Variants in EFCAB12 observed in about 807,000 individuals in gnomAD.
The protein encoded by EFCAB12 is EF-hand calcium-binding domain-containing protein 12.
EFCAB12 carries 43 observed loss-of-function variants against 53.6 expected under a neutral mutation model. The observed-to-expected ratio is 0.80, with a 90% CI of 0.63 to 1.03. The LOEUF is 1.03. Among genes scored for constraint, EFCAB12 ranks in the 50% least tolerant of loss-of-function variants. The pLI, the probability that EFCAB12 is intolerant of heterozygous loss-of-function variation, is 0.00. For missense variants in EFCAB12, 646 were observed against 730.6 expected, an observed-to-expected ratio of 0.88 and a Z score of 1.34; for synonymous variants, 269 against 289.2, an observed-to-expected ratio of 0.93 and a Z score of 0.71.
In EFCAB12 at chr3:129,401,415, C is replaced by A. The variant is rs1577032446; in HGVS notation, c.*178G>T. The A allele has an allele frequency of 6.1e-6, 5 of 820,012 alleles. No homozygotes were observed. The highest frequency in any genetic ancestry group is 9.1e-6 in the Non-Finnish European group (5 of 551,536). 50.8% of individuals were successfully genotyped at this position (820,012 alleles called of 1,614,324 possible). On this transcript the variant is annotated 3_prime_UTR_variant, in exon 9 of 9. Coordinates refer to ENST00000505956, the MANE Select transcript of EFCAB12 (RefSeq NM_207307.3). ...ACTGCACGTCATTCCTTGGACACATCTACCCTCTGAGACACTGGACACTTT... is the reference window on the plus strand; with the variant it reads ...ACTGCACGTCATTCCTTGGACACATATACCCTCTGAGACACTGGACACTTT...
intron 2 of EFCAB12, among the ~76,000 whole-genome samples, chr3:129,420,905 G>A (rs928298753): frequency 5.3e-5 from 8 of 152,236 alleles, no homozygotes; most frequent in Non-Finnish European, 8.8e-5. Flanking sequence ...CCTTCACTCT[G>A]GGGGATGCCA....
intron 6 of EFCAB12, among the ~76,000 whole-genome samples, chr3:129,406,797 G>A (rs2071957414): frequency 6.6e-6 from 1 of 151,710 alleles, no homozygotes; most frequent in African/African-American, 2.4e-5. Context: ...GCCACTTCAC[G>A]CTGCTAGAAT....
intron 3 of EFCAB12, among the ~76,000 whole-genome samples, chr3:129,417,052 C>T (rs1258577113): frequency 2.0e-5 from 3 of 152,016 alleles, no homozygotes; most frequent in East Asian, 1.9e-4. Flanking sequence ...TAAGGCCAGG[C>T]GCAGTGGCTC....
chr3:129,414,720 G>A (rs2072090835), intron 4 of EFCAB12: 1 of 152,302 alleles, frequency 6.6e-6, no homozygotes, highest in African/African-American at 2.4e-5. Context: ...CCCCACAAAT[G>A]TATTGCTTGG....
intron 7 of EFCAB12, 96 bp from the exon 8 acceptor site, chr3:129,402,675 TC>T: frequency 1.7e-6 from 2 of 1,204,996 alleles, no homozygotes; most frequent in Non-Finnish European, 1.2e-6. Flanking sequence ...TGGACCCGTT[TC>T]TAAGTCTCAA....
chr3:129,403,052 AC>A, intron 7 of EFCAB12: 1 of 161,048 alleles, frequency 6.2e-6, no homozygotes. Context: ...ACTCTTTCCC[AC>A]CCAGCCTCCA....
intron 5 of EFCAB12, among the ~76,000 whole-genome samples, chr3:129,409,569 G>A (rs2072003763): frequency 6.6e-6 from 1 of 152,140 alleles, no homozygotes; most frequent in African/African-American, 2.4e-5. Flanking sequence ...AGCTGCTTTT[G>A]TTGGCTGCCA....
intron 4 of EFCAB12, 75 bp from the exon 5 acceptor site, chr3:129,411,429 T>G: frequency 6.9e-7 from 1 of 1,458,862 alleles, no homozygotes; most frequent in Middle Eastern, 2.2e-4. Flanking sequence ...CAAGCAGTTA[T>G]CCAGTGTCAC....
chr3:129,425,228 T>C (rs2072256455), intron 1 of EFCAB12, among the ~76,000 whole-genome samples: 1 of 152,186 alleles, frequency 6.6e-6, no homozygotes, highest in Non-Finnish European at 1.5e-5. Context: ...CAATCCATGT[T>C]CTGCCCTCAG....
chr3:129,420,412 C>A (rs779762600), intron 2 of EFCAB12, among the ~76,000 whole-genome samples: 1 of 152,196 alleles, frequency 6.6e-6, no homozygotes, highest in Non-Finnish European at 1.5e-5. Context: ...ACTTATCTGT[C>A]TTCTTATCCC....
At chr3:129,415,620 C>T (rs1430064443) in intron 3 of EFCAB12, among the ~76,000 whole-genome samples, 1 of 152,156 alleles carries the variant, frequency 6.6e-6, no homozygotes, top group African/African-American at 2.4e-5. Flanking sequence ...CAGGCAGTTC[C>T]CCTTCTCTGC....
At chr3:129,427,324 T>C (rs1314262945) in intron 1 of EFCAB12, among the ~76,000 whole-genome samples, 1 of 152,040 alleles carries the variant, frequency 6.6e-6, no homozygotes, top group African/African-American at 2.4e-5. Flanking sequence ...CAACCAAGAC[T>C]GGATTTGTCT....
rs1448846074 is a variant in EFCAB12 at position 129,408,769 on chromosome 3, G to T, written c.1125C>A (p.Thr375=). 1 of 1,580,452 alleles carries T rather than the reference G, an allele frequency of 6.3e-7. No homozygotes were observed. The highest frequency in any genetic ancestry group is 1.7e-4 in the Middle Eastern group (1 of 6,028). ...TGAGCTCCCTCATATCCCCGTGGAT[G>T]GTGGACGGGAGGCAGTGCTCATCAA... ...RHFDEHCLPS[T]IHGDMRELID... Residue 375 remains threonine (T), a synonymous_variant, in exon 6 of 9, where the codon ACC becomes ACA. Coordinates refer to ENST00000505956, the MANE Select transcript of EFCAB12 (RefSeq NM_207307.3).
chr3:129,428,475 T>C lies in EFCAB12; in HGVS notation c.14A>G (p.Tyr5Cys), dbSNP rs370457718. 5.5e-5 allele frequency: 89 copies of C among 1,611,474 alleles called. No individual in the cohort carries two copies. In the Middle Eastern group the frequency reaches 8.2e-4, roughly 15 times the overall value. MDDD[Y>C]EAYHSLFLSL... ...CAAGAACAGACTGTGGTACGCTTCA[T>C]AGTCGTCGTCCATGGTCGTGGTGCT... is the stretch of plus-strand genomic sequence containing the variant. The change falls in exon 1 of 9, where the codon TAT becomes TGT. Residue 5 changes from tyrosine to cysteine, a missense_variant. By Grantham distance (194) the Tyr-to-Cys change is radical (BLOSUM62 -2). Transcript: ENST00000505956.
chr3:129,418,353 C>T lies in EFCAB12; in HGVS notation c.582G>A (p.Leu194=). The change falls in exon 3 of 9, where the codon CTG becomes CTA. Residue 194 remains leucine, a synonymous_variant. Transcript: ENST00000505956. ...CCAGGATCTTGATCTTGCGGCTATG[C>T]AGGTAGGAGTACATGACCGACAGGG... ...PPALSVMYSY[L]HSRKIKILEI... The T allele has an allele frequency of 6.2e-7, 1 of 1,613,780 alleles. No homozygotes were observed. The highest frequency in any genetic ancestry group is 8.5e-7 in the Non-Finnish European group (1 of 1,179,748).
chr3:129,423,364 T>C (rs772868410), intron 1 of EFCAB12, among the ~76,000 whole-genome samples: 4 of 152,218 alleles, frequency 2.6e-5, no homozygotes, highest in Non-Finnish European at 5.9e-5. Context: ...TGGTAGCTTA[T>C]GCCTGTAATC....
chr3:129,414,216 C>T (rs1222624024), intron 4 of EFCAB12: 1 of 152,260 alleles, frequency 6.6e-6, no homozygotes, highest in Non-Finnish European at 1.5e-5. Flanking sequence ...CTGGTTGAGA[C>T]TGGACATTGA....
In EFCAB12 at chr3:129,401,435, C is replaced by T. The variant is rs756859254; in HGVS notation, c.*158G>A. The T allele has an allele frequency of 2.9e-6, 3 of 1,023,842 alleles. No homozygotes were observed. Among genetic ancestry groups the T allele is most frequent in the Non-Finnish European group, 4.1e-6 (3 of 726,618 alleles). The allele number at this position is 1,023,842 out of a possible 1,614,324, so 63.4% of individuals were successfully genotyped here. A position where few individuals can be genotyped will look rare whatever the true frequency, so the allele number is the denominator to read the frequency against. On this transcript the variant is annotated 3_prime_UTR_variant, in exon 9 of 9. Transcript: ENST00000505956. ...CACATCTACCCTCTGAGACACTGGA[C>T]ACTTTGAGTCCAGAGGGAACTGGCC...
rs1417713470 is a variant in EFCAB12, at chr3:129,408,031, C to T, written c.1249+614G>A. Among the ~76,000 whole-genome samples the T allele has an allele frequency of 2.0e-5, 3 of 152,198 alleles. No individual in the cohort carries two copies. The East Asian group carries it at 5.8e-4, about 29-fold the overall frequency. Reference sequence around the variant, plus strand: ...CCACATATTAGAAGTGCTCACCCCGCAGAGACACAGTGGGCTCAGACCAGC... The same window carrying T: ...CCACATATTAGAAGTGCTCACCCCGTAGAGACACAGTGGGCTCAGACCAGC... On this transcript the variant is annotated intron_variant, in intron 6 of 8. Transcript: ENST00000505956.
Sources: allele counts gnomAD v4.1 joint callset (sites outside exome capture counted in the v4.1 genomes callset), GRCh38; gene constraint gnomAD v4.1.1; transcripts MANE v1.5; gene names NCBI Gene and HGNC (gene_info 2026-07-23, HGNC 2026-07-21).